PCCA: variants seen among roughly 807,000 people sequenced by gnomAD.
PCCA encodes the protein propionyl-CoA carboxylase subunit alpha, also known as propionyl-CoA carboxylase alpha chain, mitochondrial.
A neutral mutation model predicts 101.3 loss-of-function variants in PCCA; 74 were observed. That is an observed-to-expected ratio of 0.73 (90% CI 0.61 to 0.89). PCCA has a LOEUF of 0.89. Among genes scored for constraint, PCCA ranks in the 40% least tolerant of loss-of-function variants. The probability of loss-of-function intolerance (pLI) is 0.00; values close to 1 mark genes in which losing one functional copy is unlikely to be tolerated. For synonymous variants in PCCA, 294 were observed against 313.6 expected (o/e 0.94, Z 0.66); for missense variants, 891 against 907.0 (o/e 0.98, Z 0.23).
intron 1 of PCCA, among the ~76,000 whole-genome samples, chr13:100,093,956 C>T (rs941372499): frequency 1.3e-5 from 2 of 151,670 alleles, no homozygotes; most frequent in South Asian, 2.1e-4. Context: ...AGTCTGGGCA[C>T]GATGGCTCAT....
At chr13:100,494,820 C>T (rs2085163021) in intron 21 of PCCA, among the ~76,000 whole-genome samples, 1 of 152,166 alleles carries the variant, frequency 6.6e-6, no homozygotes, top group Non-Finnish European at 1.5e-5. Context: ...GTGTACACTC[C>T]TTAAATTGTG....
chr13:100,272,300 A>T (rs2063357396), intron 11 of PCCA, among the ~76,000 whole-genome samples: 1 of 152,218 alleles, frequency 6.6e-6, no homozygotes, highest in South Asian at 2.1e-4. Flanking sequence ...ATACAGGGTT[A>T]GGTTCCTGCG....
intron 22 of PCCA, among the ~76,000 whole-genome samples, chr13:100,518,606 G>A (rs767741304): frequency 1.1e-4 from 17 of 152,200 alleles, no homozygotes; most frequent in Non-Finnish European, 2.5e-4. Context: ...TTCCGAACAC[G>A]TGGAGAGAGG....
intron 20 of PCCA, among the ~76,000 whole-genome samples, chr13:100,431,128 T>G (rs570748203): frequency 2.8e-4 from 43 of 152,200 alleles, no homozygotes; most frequent in African/African-American, 1.0e-3. Flanking sequence ...ACTACTTAGG[T>G]TTTTCCTGAC....
rs886252919 is a variant in PCCA, at chr13:100,405,992, C to G, written c.1747-19641C>G. On this transcript the variant is annotated intron_variant, in intron 19 of 23. Coordinates refer to ENST00000376285, the MANE Select transcript of PCCA (RefSeq NM_000282.4). The stretch of plus-strand genomic sequence containing the variant: ...ATGTTGGCCAGGATGGTCTCGATCT[C>G]TTGACCTCGTGATCCACCCGCCTCG... Among the ~76,000 whole-genome samples, 6 of 152,168 alleles carry G rather than the reference C, an allele frequency of 3.9e-5. No individual in the cohort carries two copies. In the East Asian group the frequency reaches 1.2e-3, roughly 30 times the overall value.
intron 17 of PCCA, among the ~76,000 whole-genome samples, chr13:100,332,444 G>T (rs2069766886): frequency 6.6e-6 from 1 of 152,100 alleles, no homozygotes; most frequent in South Asian, 2.1e-4. Context: ...GGCAGAAGGA[G>T]AAAACAGGGA....
In PCCA at chr13:100,417,293, G is replaced by A. The variant is rs551419935; in HGVS notation, c.1747-8340G>A. Among the ~76,000 whole-genome samples the A allele has an allele frequency of 3.3e-4, 50 of 152,318 alleles. 1 individual carries two copies. The South Asian group carries it at 6.0e-3, about 18-fold the overall frequency. On this transcript the variant is annotated intron_variant, in intron 19 of 23. Coordinates refer to ENST00000376285, the MANE Select transcript of PCCA (RefSeq NM_000282.4). Reference sequence around the variant, plus strand: ...GTCCTGGTTAATTCAAATTTATAATGCCAATAGTTTAAATTAGCATTTAGC... The same window carrying A: ...GTCCTGGTTAATTCAAATTTATAATACCAATAGTTTAAATTAGCATTTAGC...
chr13:100,200,673 TTAC>T (rs1271992708), intron 6 of PCCA, among the ~76,000 whole-genome samples: 1 of 150,556 alleles, frequency 6.6e-6, no homozygotes, highest in African/African-American at 2.4e-5. Flanking sequence ...GGCAATATAT[TTAC>T]TATATAAATA....
chr13:100,393,042 ACT>A (rs2076879939), intron 19 of PCCA, among the ~76,000 whole-genome samples: 1 of 151,906 alleles, frequency 6.6e-6, no homozygotes, highest in African/African-American at 2.4e-5. Flanking sequence ...ATGGGAAGAA[ACT>A]CTGAATGTTA....
At chr13:100,353,367 C>T (rs893967319) in intron 18 of PCCA, among the ~76,000 whole-genome samples, 2 of 152,132 alleles carry the variant, frequency 1.3e-5, no homozygotes, top group Non-Finnish European at 2.9e-5. Context: ...CCATATTTAC[C>T]ATACCATATA....
chr13:100,371,980 G>C lies in PCCA; in HGVS notation c.1746+3406G>C, dbSNP rs2075602202. On this transcript the variant is annotated intron_variant, in intron 19 of 23. Transcript: ENST00000376285. ...TAAATTTGGGTCCTTTTCTTACTCT[G>C]TATACAAAACTAACCAAAATGGATC... Among the ~76,000 whole-genome samples, 3 of 152,160 alleles carry C rather than the reference G, an allele frequency of 2.0e-5. No individual in the cohort carries two copies. In the South Asian group the frequency reaches 6.2e-4, roughly 32 times the overall value.
chr13:100,399,121 A>G (rs2077198072), intron 19 of PCCA, among the ~76,000 whole-genome samples: 2 of 152,076 alleles, frequency 1.3e-5, no homozygotes, highest in Admixed American at 1.3e-4. Flanking sequence ...TGTTTTGTAG[A>G]GTATAAAAGA....
chr13:100,102,527 G>A (rs2047369453), intron 1 of PCCA, among the ~76,000 whole-genome samples: 1 of 152,154 alleles, frequency 6.6e-6, no homozygotes, highest in Non-Finnish European at 1.5e-5. Flanking sequence ...GAAGCTCCTT[G>A]AGACCAAGAC....
At chr13:100,487,508 G>A (rs979728998) in intron 21 of PCCA, among the ~76,000 whole-genome samples, 4 of 152,130 alleles carry the variant, frequency 2.6e-5, no homozygotes, top group Non-Finnish European at 5.9e-5. Context: ...AATAAGTTTG[G>A]GAAATGCTGG....
intron 12 of PCCA, 64 bp from the exon 13 acceptor site, chr13:100,301,396 C>G: frequency 6.3e-7 from 1 of 1,583,214 alleles, no homozygotes; most frequent in Non-Finnish European, 8.7e-7. Flanking sequence ...TGTGATTTTT[C>G]TTGTTTGTTT....
chr13:100,132,577 G>A (rs1021423200), intron 4 of PCCA, among the ~76,000 whole-genome samples: 1 of 152,142 alleles, frequency 6.6e-6, no homozygotes, highest in Non-Finnish European at 1.5e-5. Context: ...GGACATTTGG[G>A]TTGTTTCCAG....
At chr13:100,500,108 A>C (rs913113470) in intron 21 of PCCA, among the ~76,000 whole-genome samples, 5 of 152,208 alleles carry the variant, frequency 3.3e-5, no homozygotes, top group African/African-American at 1.2e-4. Context: ...AAAGCTAAAC[A>C]ATTGTGGCTC....
intron 6 of PCCA, among the ~76,000 whole-genome samples, chr13:100,167,074 T>C (rs1051071730): frequency 3.9e-5 from 6 of 152,210 alleles, no homozygotes; most frequent in African/African-American, 1.2e-4. Flanking sequence ...TTTAGACATA[T>C]TAGGGTTCTT....
At chr13:100,374,657 A>G (rs547196771) in intron 19 of PCCA, among the ~76,000 whole-genome samples, 2 of 152,334 alleles carry the variant, frequency 1.3e-5, no homozygotes, top group African/African-American at 4.8e-5. Context: ...GTCCTAATGT[A>G]TAAGAAAATT....
Sources: gnomAD v4.1 joint callset for allele counts (sites outside exome capture counted in the v4.1 genomes callset) on GRCh38, gnomAD v4.1.1 for gene constraint, MANE v1.5 for transcripts, NCBI Gene and HGNC (gene_info 2026-07-23, HGNC 2026-07-21) for gene names.